Variants in PDIA5 observed in about 807,000 individuals in gnomAD.
PDIA5 encodes protein disulfide-isomerase A5.
A neutral mutation model predicts 77.6 loss-of-function variants in PDIA5; 58 were observed. The ratio of observed to expected loss-of-function variants is 0.75; its 90% CI spans 0.61 to 0.93. PDIA5 has a LOEUF of 0.93. PDIA5 is among the 40% of genes least tolerant of loss of function. PDIA5 has a pLI of 0.00. For synonymous variants in PDIA5, 250 were observed against 252.1 expected, an observed-to-expected ratio of 0.99 and a Z score of 0.08; for missense variants, 630 against 647.7, an observed-to-expected ratio of 0.97 and a Z score of 0.30.
intron 1 of PDIA5, among the ~76,000 whole-genome samples, chr3:123,075,387 C>T (rs981704574): frequency 7.9e-5 from 12 of 152,102 alleles, no homozygotes; most frequent in African/African-American, 2.7e-4. Context: ...GGAACTTCAA[C>T]ATTGAAAGAA....
chr3:123,134,574 T>A (rs921292830), intron 11 of PDIA5, among the ~76,000 whole-genome samples: 3 of 152,300 alleles, frequency 2.0e-5, no homozygotes, highest in Admixed American at 6.5e-5. Context: ...CCAGCACTCC[T>A]GCCACTCACT....
chr3:123,145,972 G>A (rs1417415276), intron 12 of PDIA5, 127 bp from the exon 13 acceptor site: 8 of 849,516 alleles, frequency 9.4e-6, no homozygotes, highest in Admixed American at 4.6e-5. Context: ...GGAGCCCACT[G>A]GGCTAGCCAC....
intron 12 of PDIA5, 24 bp from the exon 13 acceptor site, chr3:123,146,075 T>C: frequency 4.3e-6 from 7 of 1,612,466 alleles, no homozygotes; most frequent in Non-Finnish European, 5.9e-6. Flanking sequence ...CTGTAATGCA[T>C]GGTTGGCCTT....
At chr3:123,101,709 G>A (rs999936506) in intron 3 of PDIA5, among the ~76,000 whole-genome samples, 2 of 152,070 alleles carry the variant, frequency 1.3e-5, no homozygotes, top group Non-Finnish European at 2.9e-5. Flanking sequence ...GAAGGCCAGG[G>A]CATCCATCTT....
chr3:123,147,990 C>T (rs1488250742), intron 13 of PDIA5, among the ~76,000 whole-genome samples: 1 of 152,200 alleles, frequency 6.6e-6, no homozygotes, highest in Non-Finnish European at 1.5e-5. Flanking sequence ...GGCCTCTGTC[C>T]TTTCTGTGTG....
intron 8 of PDIA5, among the ~76,000 whole-genome samples, chr3:123,123,855 C>T (rs1935175452): frequency 6.6e-6 from 1 of 152,240 alleles, no homozygotes. Flanking sequence ...GAGTGCAGCA[C>T]TCGGCCCAGC....
At chr3:123,089,373 G>A (rs988089838) in intron 2 of PDIA5, 79 bp downstream of exon 2, 57 of 1,454,268 alleles carry the variant, frequency 3.9e-5, no homozygotes, top group Non-Finnish European at 4.5e-5. Flanking sequence ...GGCAGGAGAC[G>A]TTAGGATGAA....
At chr3:123,074,321 A>G (rs1317172754) in intron 1 of PDIA5, among the ~76,000 whole-genome samples, 1 of 152,228 alleles carries the variant, frequency 6.6e-6, no homozygotes, top group African/African-American at 2.4e-5. Context: ...GGAAAGAGAA[A>G]GTGTTAATAT....
At chr3:123,068,470 C>G (rs1933637962) in intron 1 of PDIA5, among the ~76,000 whole-genome samples, 1 of 152,178 alleles carries the variant, frequency 6.6e-6, no homozygotes, top group Non-Finnish European at 1.5e-5. Flanking sequence ...TTAATTGCGT[C>G]TGGGTTTGTT....
intron 1 of PDIA5, among the ~76,000 whole-genome samples, chr3:123,086,801 C>T (rs943199174): frequency 6.6e-6 from 1 of 152,030 alleles, no homozygotes; most frequent in African/African-American, 2.4e-5. Context: ...AAGACGGGTC[C>T]CAGTATCTTT....
At position 123,079,517 on chromosome 3, in the gene PDIA5, A is replaced by T. The variant is rs188247369; in HGVS notation, c.43-9651A>T. ...GTCTTTAAAAACACCATTTAAATAA[A>T]ATACCATCTAAATGGCTTATTCTTC... On this transcript the variant is annotated intron_variant, in intron 1 of 16. Coordinates refer to ENST00000316218, the MANE Select transcript of PDIA5 (RefSeq NM_006810.4). 3.8e-3 allele frequency among the ~76,000 whole-genome samples: 583 copies of T among 152,328 alleles called. 3 individuals carry two copies. The highest frequency in any genetic ancestry group is 5.1e-3 in the Non-Finnish European group (346 of 68,020).
intron 1 of PDIA5, among the ~76,000 whole-genome samples, chr3:123,069,661 T>C (rs554286667): frequency 7.2e-5 from 11 of 152,254 alleles, no homozygotes; most frequent in African/African-American, 2.4e-4. Flanking sequence ...CTTGGGTCCC[T>C]TTTTCAAGGG....
chr3:123,098,325 C>A (rs895144752), intron 3 of PDIA5, among the ~76,000 whole-genome samples: 4 of 150,490 alleles, frequency 2.7e-5, no homozygotes, highest in Non-Finnish European at 5.9e-5. Context: ...CAGACCCCCA[C>A]CCTCCGACCC....
At chr3:123,115,972 T>C (rs1371430486) in intron 7 of PDIA5, among the ~76,000 whole-genome samples, 1 of 152,240 alleles carries the variant, frequency 6.6e-6, no homozygotes, top group Non-Finnish European at 1.5e-5. Context: ...CATCATGTCA[T>C]GTTTGTTTCT....
At chr3:123,070,326 A>G (rs1254472234) in intron 1 of PDIA5, among the ~76,000 whole-genome samples, 1 of 152,190 alleles carries the variant, frequency 6.6e-6, no homozygotes, top group Admixed American at 6.5e-5. Flanking sequence ...GTGCATCAAA[A>G]TGTTAACAGT....
intron 11 of PDIA5, among the ~76,000 whole-genome samples, chr3:123,134,213 G>A (rs924647187): frequency 2.6e-5 from 4 of 152,062 alleles, no homozygotes; most frequent in South Asian, 2.1e-4. Context: ...TTGTAAAGAC[G>A]GGGTCTCACT....
chr3:123,101,575 C>G (rs1934597791), intron 3 of PDIA5, among the ~76,000 whole-genome samples: 1 of 152,200 alleles, frequency 6.6e-6, no homozygotes, highest in Non-Finnish European at 1.5e-5. Flanking sequence ...ACTTCTTCAA[C>G]ATGGTAGCAT....
chr3:123,142,904 C>T (rs1935675287), intron 11 of PDIA5, among the ~76,000 whole-genome samples: 1 of 152,196 alleles, frequency 6.6e-6, no homozygotes, highest in Non-Finnish European at 1.5e-5. Flanking sequence ...CCACATGTGT[C>T]CTTTCATCTG....
At position 123,124,313 on chromosome 3, in the gene PDIA5, C is replaced by T. The variant is rs1416551308; in HGVS notation, c.743C>T (p.Thr248Ile). 1.9e-6 allele frequency: 3 copies of T among 1,613,536 alleles called. No homozygotes were observed. In the African/African-American group the frequency reaches 4.0e-5, roughly 22 times the overall value. The change falls in exon 10 of 17, where the codon ACA becomes ATA. Residue 248 changes from threonine (T) to isoleucine (I), a missense_variant. Coordinates refer to ENST00000316218, the MANE Select transcript of PDIA5 (RefSeq NM_006810.4). ...FLFQYDNYGS[T>I]AEDIVEWLKN... ...TTCCAGTATGACAACTATGGGTCCA[C>T]AGCTGAGGACATTGTGGAGTGGCTG...
Sources: allele counts gnomAD v4.1 joint callset (sites outside exome capture counted in the v4.1 genomes callset), GRCh38; gene constraint gnomAD v4.1.1; transcripts MANE v1.5; gene names NCBI Gene and HGNC (gene_info 2026-07-23, HGNC 2026-07-21).